The following MARCHF1 variants were observed in gnomAD, a reference collection of about 807,000 sequenced individuals.
MARCHF1 encodes membrane associated ring-CH-type finger 1, also known as E3 ubiquitin-protein ligase MARCHF1.
Under a neutral mutation model 54.2 loss-of-function variants are expected in MARCHF1, and 40 were observed. The ratio of observed to expected loss-of-function variants is 0.74; its 90% CI spans 0.57 to 0.96. MARCHF1 has a LOEUF of 0.96. Ranked by LOEUF, MARCHF1 falls within the 40% of genes least tolerant of loss-of-function variation. MARCHF1 has a pLI of 0.00. For synonymous variants in MARCHF1, 236 were observed against 236.3 expected (o/e 1.00, Z 0.01); for missense variants, 586 against 656.5 (o/e 0.89, Z 1.17).
At chr4:164,365,315 A>G (rs1264220253) in intron 1 of MARCHF1, among the ~76,000 whole-genome samples, 1 of 152,088 alleles carries the variant, frequency 6.6e-6, no homozygotes, top group Non-Finnish European at 1.5e-5. Context: ...CGTCATTTCC[A>G]TTCTACTTCC....
intron 4 of MARCHF1, among the ~76,000 whole-genome samples, chr4:163,715,519 A>G (rs1185922363): frequency 6.6e-6 from 1 of 152,132 alleles, no homozygotes; most frequent in Non-Finnish European, 1.5e-5. Flanking sequence ...GACTCTCCCC[A>G]AGCAAAGGTA....
At chr4:164,241,812 T>A (rs1732765606) in intron 1 of MARCHF1, among the ~76,000 whole-genome samples, 1 of 152,156 alleles carries the variant, frequency 6.6e-6, no homozygotes, top group Admixed American at 6.5e-5. Context: ...TTGCCTCACT[T>A]GGGAAGCACA....
intron 3 of MARCHF1, among the ~76,000 whole-genome samples, chr4:163,918,784 A>G (rs887360508): frequency 6.6e-6 from 1 of 152,130 alleles, no homozygotes; most frequent in Non-Finnish European, 1.5e-5. Flanking sequence ...ATCAGCAGTT[A>G]GGAGCAAAAA....
At chr4:164,350,837 T>C (rs996983371) in intron 1 of MARCHF1, among the ~76,000 whole-genome samples, 3 of 151,760 alleles carry the variant, frequency 2.0e-5, no homozygotes, top group African/African-American at 7.3e-5. Context: ...ATTTCTGCAT[T>C]TCCATCTGAG....
chr4:164,035,977 C>T (rs1213966596), intron 2 of MARCHF1, among the ~76,000 whole-genome samples: 1 of 147,144 alleles, frequency 6.8e-6, no homozygotes, highest in Non-Finnish European at 1.5e-5. Context: ...GTGGTGTGTA[C>T]CTGTAATCCC....
rs112226019 is a variant in MARCHF1 at position 163,780,910 on chromosome 4, C to T, written c.111+73111G>A. 7.3e-3 allele frequency among the ~76,000 whole-genome samples: 1,107 copies of T among 152,270 alleles called. 16 individuals are homozygous for T. Among genetic ancestry groups the T allele is most frequent in the African/African-American group, 0.025 (1,048 of 41,540 alleles). On this transcript the variant is annotated intron_variant, in intron 4 of 9. Coordinates refer to ENST00000514618, the MANE Select transcript of MARCHF1 (RefSeq NM_001394959.1). ...ACTGTTGAGCTTGTTGTGAAAAGGG[C>T]AAGTGACTGAAGTTAAGTGAGTAAA...
intron 3 of MARCHF1, among the ~76,000 whole-genome samples, chr4:163,899,390 C>G (rs1343256151): frequency 6.6e-6 from 1 of 152,096 alleles, no homozygotes; most frequent in Non-Finnish European, 1.5e-5. Context: ...AGATTATTCC[C>G]TGTCTCTTTG....
intron 1 of MARCHF1, among the ~76,000 whole-genome samples, chr4:164,154,117 C>T (rs1345981019): frequency 1.3e-5 from 2 of 152,170 alleles, no homozygotes; most frequent in African/African-American, 2.4e-5. Context: ...AAATTGTTTA[C>T]ATGTACTTCT....
At chr4:163,803,365 G>T (rs2110981707) in intron 4 of MARCHF1, among the ~76,000 whole-genome samples, 1 of 152,168 alleles carries the variant, frequency 6.6e-6, no homozygotes, top group East Asian at 1.9e-4. Flanking sequence ...TAGAGACGGG[G>T]TTTCGCCATG....
intron 2 of MARCHF1, among the ~76,000 whole-genome samples, chr4:164,037,814 C>T (rs1754041745): frequency 6.6e-6 from 1 of 152,166 alleles, no homozygotes; most frequent in Non-Finnish European, 1.5e-5. Flanking sequence ...ATGACAATAA[C>T]TGATAGTTGC....
chr4:164,075,429 CAAGAGAGGGAT>C, intron 2 of MARCHF1, among the ~76,000 whole-genome samples: 3 of 152,134 alleles, frequency 2.0e-5, no homozygotes, highest in African/African-American at 7.2e-5. Context: ...CAATAATCAC[CAAGAGAGGGAT>C]TCATCCAGGC....
intron 1 of MARCHF1, among the ~76,000 whole-genome samples, chr4:164,179,131 G>A (rs1730766326): frequency 6.6e-6 from 1 of 152,156 alleles, no homozygotes; most frequent in Non-Finnish European, 1.5e-5. Context: ...GTTTATCAAT[G>A]AGCACTGAGT....
At chr4:163,676,357 CAAA>C (rs201672647) in intron 5 of MARCHF1, among the ~76,000 whole-genome samples, 5 of 106,314 alleles carry the variant, frequency 4.7e-5, no homozygotes, top group Admixed American at 1.0e-4. Flanking sequence ...AACTCTGTCT[CAAA>C]AAAAAAAAAA....
intron 9 of MARCHF1, among the ~76,000 whole-genome samples, chr4:163,533,366 G>T (rs1283493387): frequency 1.3e-5 from 2 of 151,904 alleles, no homozygotes. Flanking sequence ...GGGATGAATA[G>T]GTGGAACACA....
chr4:164,096,414 A>T (rs1404348775), intron 2 of MARCHF1, among the ~76,000 whole-genome samples: 1 of 152,216 alleles, frequency 6.6e-6, no homozygotes, highest in East Asian at 1.9e-4. Flanking sequence ...GGAGTCTTCA[A>T]AAGGAGGAAG....
chr4:164,275,147 T>G (rs557895316), intron 1 of MARCHF1, among the ~76,000 whole-genome samples: 156 of 152,024 alleles, frequency 1.0e-3, no homozygotes, highest in Non-Finnish European at 1.9e-3. Context: ...CTAATTTCCT[T>G]TAATAAAATA....
intron 1 of MARCHF1, among the ~76,000 whole-genome samples, chr4:164,350,986 C>T (rs907892905): frequency 1.3e-5 from 2 of 151,990 alleles, no homozygotes; most frequent in Admixed American, 1.3e-4. Flanking sequence ...CTTTCCGAGT[C>T]AAAGAAAGGG....
chr4:164,227,808 G>GTGATGAAT (rs1316180299), intron 1 of MARCHF1, among the ~76,000 whole-genome samples: 3 of 152,102 alleles, frequency 2.0e-5, no homozygotes, highest in Non-Finnish European at 2.9e-5. Context: ...TCATTACATT[G>GTGATGAAT]TGATGAATTG....
chr4:164,148,144 C>CACAT (rs760113103), intron 1 of MARCHF1, among the ~76,000 whole-genome samples: 1 of 105,654 alleles, frequency 9.5e-6, no homozygotes, highest in Non-Finnish European at 1.7e-5. Context: ...AAAAAAATAA[C>CACAT]ACACACACAC....
Sources: gnomAD v4.1 joint callset for allele counts (sites outside exome capture counted in the v4.1 genomes callset) on GRCh38, gnomAD v4.1.1 for gene constraint, MANE v1.5 for transcripts, NCBI Gene and HGNC (gene_info 2026-07-23, HGNC 2026-07-21) for gene names.